UBE3D: variants seen among roughly 807,000 people sequenced by gnomAD.
The protein encoded by UBE3D is ubiquitin protein ligase E3D.
In UBE3D, 48 loss-of-function variants were observed where a neutral mutation model predicts 49.6. That is an observed-to-expected ratio of 0.97 (90% CI 0.77 to 1.23). The LOEUF is 1.23. UBE3D is among the 50% of genes most tolerant of loss of function. UBE3D has a pLI of 0.00. For synonymous variants in UBE3D, 189 were observed against 174.2 expected, an observed-to-expected ratio of 1.08 and a Z score of -0.67; for missense variants, 452 against 468.4, an observed-to-expected ratio of 0.96 and a Z score of 0.32.
rs1783858655 is a variant in UBE3D, at chr6:83,057,027, T to C, written c.274+799A>G. Among the ~76,000 whole-genome samples the C allele has an allele frequency of 5.9e-5, 9 of 152,330 alleles. No individual in the cohort carries two copies. The South Asian group carries it at 1.9e-3, about 32-fold the overall frequency. Reference sequence around the variant, plus strand: ...CTGAGGTCTTAGAAAAAGCAAATTTTCCACTGCCTTACCGAATCATTATAC... The same window carrying C: ...CTGAGGTCTTAGAAAAAGCAAATTTCCCACTGCCTTACCGAATCATTATAC... On this transcript the variant is annotated intron_variant, in intron 2 of 9. Transcript: ENST00000369747.
At chr6:82,952,634 G>T (rs1775883776) in intron 9 of UBE3D, among the ~76,000 whole-genome samples, 1 of 152,016 alleles carries the variant, frequency 6.6e-6, no homozygotes. Flanking sequence ...ATGTTGCCCA[G>T]GGTGGACCTG....
At chr6:82,999,398 A>T (rs1377474090) in intron 8 of UBE3D, among the ~76,000 whole-genome samples, 1 of 151,796 alleles carries the variant, frequency 6.6e-6, no homozygotes, top group Non-Finnish European at 1.5e-5. Context: ...TGGCTTTTAT[A>T]TTTTTTGAGA....
At chr6:82,969,383 G>A (rs1777182419) in intron 8 of UBE3D, among the ~76,000 whole-genome samples, 2 of 152,102 alleles carry the variant, frequency 1.3e-5, no homozygotes, top group Admixed American at 6.6e-5. Flanking sequence ...GAGGTGGGTG[G>A]ATTGCTTCAG....
chr6:82,939,397 C>G (rs762876523), intron 9 of UBE3D, among the ~76,000 whole-genome samples: 23 of 152,358 alleles, frequency 1.5e-4, no homozygotes, highest in Non-Finnish European at 2.9e-4. Context: ...TGGGTACATA[C>G]AGTCATGAGC....
chr6:83,062,746 G>T (rs1013001289), intron 1 of UBE3D, among the ~76,000 whole-genome samples: 22 of 152,036 alleles, frequency 1.4e-4, no homozygotes, highest in Admixed American at 7.9e-4. Context: ...ACATAAGAAA[G>T]GTTAAAAAGG....
chr6:83,027,458 A>AAAAAAAAAAAAAAAAAAAAC (rs571635643), intron 5 of UBE3D, among the ~76,000 whole-genome samples: 2 of 147,466 alleles, frequency 1.4e-5, no homozygotes, highest in African/African-American at 2.5e-5. Flanking sequence ...AAAAAAAAAA[A>AAAAAAAAAAAAAAAAAAAAC]AAAGAAACCA....
chr6:82,945,756 G>C (rs1775356925), intron 9 of UBE3D, among the ~76,000 whole-genome samples: 2 of 152,170 alleles, frequency 1.3e-5, no homozygotes, highest in Non-Finnish European at 2.9e-5. Context: ...GAAATTCAAT[G>C]AGATTTAAGA....
chr6:82,936,533 A>G (rs771754309), intron 9 of UBE3D, among the ~76,000 whole-genome samples: 4 of 152,166 alleles, frequency 2.6e-5, no homozygotes, highest in Non-Finnish European at 4.4e-5. Flanking sequence ...ATTCAGTTCT[A>G]AAGAGTCAAG....
intron 8 of UBE3D, among the ~76,000 whole-genome samples, chr6:82,991,218 G>T (rs59288690): frequency 0.18 from 26,868 of 152,078 alleles, 2,543 homozygotes; most frequent in African/African-American, 0.24. Flanking sequence ...TATAATCTTT[G>T]TTCTATCCCT....
the UBE3D span, among the ~76,000 whole-genome samples, chr6:82,887,299 G>A: frequency 1.6e-4 from 23 of 142,780 alleles, 1 homozygote; most frequent in African/African-American, 1.6e-4. Context: ...CACTCCAGAC[G>A]GCCACAGAGC....
chr6:82,942,064 G>C (rs1015937224), intron 9 of UBE3D, among the ~76,000 whole-genome samples: 9 of 152,176 alleles, frequency 5.9e-5, no homozygotes, highest in African/African-American at 2.2e-4. Flanking sequence ...AGGAAGACAG[G>C]AAGATGTGAG....
At chr6:82,889,415 T>C (rs562482765), downstream of UBE3D, among the ~76,000 whole-genome samples, 77 of 152,348 alleles carry the variant, frequency 5.1e-4, 1 homozygote, top group South Asian at 0.014. Flanking sequence ...CGGATTCTTT[T>C]TTCTGGTATC....
Position 83,057,858 on chromosome 6 carries a change from A to G in UBE3D, c.242T>C (p.Leu81Pro). Reference sequence around the variant, plus strand: ...TAATTTTGCTTGCGTCTGCAGTCGCAGGTGCAGTCCATCTCCAACAACAAA... The same window carrying G: ...TAATTTTGCTTGCGTCTGCAGTCGCGGGTGCAGTCCATCTCCAACAACAAA... ...LQFVVGDGLH[L>P]RLQTQAKLGT... The change falls in exon 2 of 10, where the codon CTG becomes CCG. Residue 81 changes from leucine to proline, a missense_variant. Coordinates refer to ENST00000369747, the MANE Select transcript of UBE3D (RefSeq NM_198920.3). 2 of 1,614,170 alleles carry G rather than the reference A, an allele frequency of 1.2e-6. No individual in the cohort carries two copies. Among genetic ancestry groups the G allele is most frequent in the Non-Finnish European group, 1.7e-6 (2 of 1,180,024 alleles).
chr6:83,013,361 A>C (rs1780477576), intron 8 of UBE3D, among the ~76,000 whole-genome samples: 1 of 152,192 alleles, frequency 6.6e-6, no homozygotes, highest in African/African-American at 2.4e-5. Context: ...CGCTAACAGC[A>C]GAGGCCCCCT....
chr6:82,945,520 T>C (rs1775336460), intron 9 of UBE3D, among the ~76,000 whole-genome samples: 1 of 152,164 alleles, frequency 6.6e-6, no homozygotes, highest in Non-Finnish European at 1.5e-5. Flanking sequence ...TGGAAAGCCT[T>C]CCCAAGAAGG....
At chr6:83,061,383 G>A (rs1257440138) in intron 1 of UBE3D, among the ~76,000 whole-genome samples, 1 of 152,170 alleles carries the variant, frequency 6.6e-6, no homozygotes, top group Non-Finnish European at 1.5e-5. Context: ...GATGTAAGAT[G>A]GTAGCAACAC....
At chr6:82,997,760 GTA>G (rs1315993668) in intron 8 of UBE3D, among the ~76,000 whole-genome samples, 1 of 152,052 alleles carries the variant, frequency 6.6e-6, no homozygotes, top group Non-Finnish European at 1.5e-5. Flanking sequence ...AATAGTTTTT[GTA>G]TATACTTCCA....
downstream of UBE3D, among the ~76,000 whole-genome samples, chr6:82,889,713 T>G (rs556860514): frequency 6.6e-5 from 10 of 152,240 alleles, no homozygotes; most frequent in Non-Finnish European, 1.0e-4. Flanking sequence ...TAAAACATAG[T>G]ACTTCTATTT....
downstream of UBE3D, among the ~76,000 whole-genome samples, chr6:82,887,711 C>CGAAA (rs1770914560): frequency 6.8e-6 from 1 of 147,540 alleles, no homozygotes; most frequent in Non-Finnish European, 1.5e-5. Context: ...TCCATCCCCC[C>CGAAA]AAAAAAAAAG....
Sources: gnomAD v4.1 joint callset for allele counts (sites outside exome capture counted in the v4.1 genomes callset) on GRCh38, gnomAD v4.1.1 for gene constraint, MANE v1.5 for transcripts, NCBI Gene and HGNC (gene_info 2026-07-23, HGNC 2026-07-21) for gene names.